The following HSF5 variants were observed in gnomAD, a reference collection of about 807,000 sequenced individuals.
The protein encoded by HSF5 is heat shock factor protein 5.
In HSF5, 5 loss-of-function variants were observed where a neutral mutation model predicts 50.8. The observed-to-expected ratio is 0.10, with a 90% CI of 0.05 to 0.21. The LOEUF is 0.21. Among genes scored for constraint, HSF5 ranks in the 10% least tolerant of loss-of-function variants. HSF5 has a pLI of 1.00. For synonymous variants in HSF5, 307 were observed against 307.4 expected (o/e 1.00, Z 0.02); for missense variants, 564 against 762.6 (o/e 0.74, Z 3.07).
rs775817223 is a variant in HSF5, at chr17:58,458,905, T to G, written c.1583A>C (p.Asn528Thr). The change falls in exon 5 of 6, where the codon AAT (asparagine) becomes ACT (threonine). Residue 528 changes from asparagine to threonine, a missense_variant. This residue lies in a region of HSF5 where 441 missense variants were observed against 533.6 expected (regional missense o/e 0.83). Transcript: ENST00000323777. Reference protein sequence around the residue: ...NIKCQTSSRENILPSEQMGFL... With the variant: ...NIKCQTSSRETILPSEQMGFL... ...TCCCATCTGTTCTGACGGCAAGATATTCTCACGTGAACTGGTCTGGCATTT... is the reference window on the plus strand; with the variant it reads ...TCCCATCTGTTCTGACGGCAAGATAGTCTCACGTGAACTGGTCTGGCATTT... The G allele has an allele frequency of 3.1e-6, 5 of 1,614,026 alleles. No homozygotes were observed. Among genetic ancestry groups the G allele is most frequent in the Non-Finnish European group, 4.2e-6 (5 of 1,179,964 alleles).
intron 5 of HSF5, among the ~76,000 whole-genome samples, chr17:58,458,338 T>C (rs1331166723): frequency 6.6e-6 from 1 of 152,200 alleles, no homozygotes; most frequent in African/African-American, 2.4e-5. Context: ...CTCAGGATAA[T>C]ATCCTAAATT....
intron 5 of HSF5, among the ~76,000 whole-genome samples, chr17:58,458,385 G>A (rs1012440145): frequency 2.6e-5 from 4 of 152,078 alleles, no homozygotes; most frequent in African/African-American, 7.2e-5. Context: ...ATAAATGCAT[G>A]CCCTCTTGTC....
chr17:58,468,348 T>C (rs566568921), intron 2 of HSF5, among the ~76,000 whole-genome samples: 3 of 152,262 alleles, frequency 2.0e-5, no homozygotes, highest in South Asian at 2.1e-4. Flanking sequence ...CAGTGAGCCA[T>C]GATTGTGCCA....
intron 1 of HSF5, among the ~76,000 whole-genome samples, chr17:58,486,721 A>G (rs976068851): frequency 3.9e-5 from 6 of 152,130 alleles, no homozygotes; most frequent in Non-Finnish European, 8.8e-5. Flanking sequence ...GTATATAAAC[A>G]ACGTCTACCA....
rs202122815 is a variant in HSF5, at chr17:58,481,996, T to A, written c.551-1729A>T. On this transcript the variant is annotated intron_variant, in intron 1 of 5. Transcript: ENST00000323777. ...GCCTGGGTGACACAGTGAGACCCTG[T>A]TTCGAAAAGAAATAATAAAGTATTA... Among the ~76,000 whole-genome samples the A allele has an allele frequency of 2.6e-5, 4 of 152,290 alleles. No homozygotes were observed. The East Asian group carries it at 7.7e-4, about 29-fold the overall frequency.
At chr17:58,449,727 T>G (rs1453491380) in intron 5 of HSF5, among the ~76,000 whole-genome samples, 1 of 149,096 alleles carries the variant, frequency 6.7e-6, no homozygotes, top group African/African-American at 2.5e-5. Context: ...TTTTTTTAAT[T>G]TTAAAAAGAT....
chr17:58,428,638 G>A (rs1310198024), intron 5 of HSF5, among the ~76,000 whole-genome samples: 2 of 152,058 alleles, frequency 1.3e-5, no homozygotes, highest in East Asian at 1.9e-4. Flanking sequence ...CAGCCTGGGC[G>A]ACAGAGTGAG....
chr17:58,476,508 C>G, intron 2 of HSF5: 3 of 1,204,286 alleles, frequency 2.5e-6, no homozygotes, highest in Non-Finnish European at 2.5e-6. Context: ...GATCACCACT[C>G]TTATTCAGAT....
intron 5 of HSF5, among the ~76,000 whole-genome samples, chr17:58,451,126 C>T (rs1892011645): frequency 6.6e-6 from 1 of 152,108 alleles, no homozygotes; most frequent in Admixed American, 6.6e-5. Context: ...GGGGTTAATA[C>T]AGCAGGAGGA....
Position 58,420,527 on chromosome 17 carries a change from T to C in HSF5, c.*1833A>G, listed in dbSNP as rs1290241921. On this transcript the variant is annotated 3_prime_UTR_variant, in exon 6 of 6. Transcript: ENST00000323777. ...CTTGACATGTGTTCCTCAAAAGATATTATCTCAACATCTATAAAGCTAAGA... is the reference window on the plus strand; with the variant it reads ...CTTGACATGTGTTCCTCAAAAGATACTATCTCAACATCTATAAAGCTAAGA... 3 of 152,244 alleles carry C rather than the reference T, an allele frequency of 2.0e-5. No individual in the cohort carries two copies. Among genetic ancestry groups the C allele is most frequent in the South Asian group, 2.1e-4 (1 of 4,820 alleles). The allele number at this position is 152,244 out of a possible 1,614,324, so 9.4% of individuals were successfully genotyped here. A position where few individuals can be genotyped will look rare whatever the true frequency, so the allele number is the denominator to read the frequency against.
intron 2 of HSF5, among the ~76,000 whole-genome samples, chr17:58,477,466 T>C (rs1598201581): frequency 6.7e-6 from 1 of 149,094 alleles, no homozygotes; most frequent in South Asian, 2.1e-4. Flanking sequence ...ATTCCCCTTT[T>C]TTTTTTTTTT....
chr17:58,488,347 C>T lies in HSF5; in HGVS notation c.-73G>A. On this transcript the variant is annotated 5_prime_UTR_variant, in exon 1 of 6. Coordinates refer to ENST00000323777, the MANE Select transcript of HSF5 (RefSeq NM_001080439.3). This position sits in a 1 kb window ranked among gnomAD's most constrained non-coding sequence, Gnocchi z 4.1. ...CCGTTCTCGATCCCTCCCCGGCCTT[C>T]GCCTCGCCCTGCCCGCTCCTGCCGG... The T allele has an allele frequency of 7.4e-7, 1 of 1,358,928 alleles. No individual in the cohort carries two copies. Among genetic ancestry groups the T allele is most frequent in the Non-Finnish European group, 9.4e-7 (1 of 1,063,404 alleles). 84.2% of individuals were successfully genotyped at this position (1,358,928 alleles called of 1,614,324 possible).
At chr17:58,479,438 G>C (rs1430774362) in intron 2 of HSF5, among the ~76,000 whole-genome samples, 2 of 152,030 alleles carry the variant, frequency 1.3e-5, no homozygotes, top group African/African-American at 4.8e-5. Context: ...GAGTAGCTGG[G>C]ATTACAGGCG....
chr17:58,443,441 G>C (rs1020416389), intron 5 of HSF5, among the ~76,000 whole-genome samples: 5 of 152,112 alleles, frequency 3.3e-5, no homozygotes, highest in African/African-American at 1.2e-4. Context: ...AAGGAGGCAA[G>C]GATATGTGGA....
At chr17:58,463,350 A>T in intron 3 of HSF5, 47 bp from the exon 4 acceptor site, 1 of 1,452,162 alleles carries the variant, frequency 6.9e-7, no homozygotes, top group Non-Finnish European at 9.5e-7. Context: ...ATAAAATATG[A>T]GATTAAGGAG....
At chr17:58,440,988 A>G (rs1220619673) in intron 5 of HSF5, among the ~76,000 whole-genome samples, 1 of 152,196 alleles carries the variant, frequency 6.6e-6, no homozygotes. Flanking sequence ...AGATGTGAAC[A>G]ACATAATCAA....
At chr17:58,452,226 G>A (rs968044293) in intron 5 of HSF5, among the ~76,000 whole-genome samples, 2 of 151,516 alleles carry the variant, frequency 1.3e-5, no homozygotes, top group African/African-American at 4.9e-5. Flanking sequence ...CTACAGCTTC[G>A]CAACACAGTG....
At chr17:58,464,829 C>T (rs541425650) in intron 3 of HSF5, among the ~76,000 whole-genome samples, 7 of 152,144 alleles carry the variant, frequency 4.6e-5, no homozygotes, top group Admixed American at 4.6e-4. Context: ...AACAGGGTTT[C>T]GCCATGTTGG....
chr17:58,422,147 T>C lies in HSF5; in HGVS notation c.*213A>G, dbSNP rs968865836. 1 of 493,686 alleles carries C rather than the reference T, an allele frequency of 2.0e-6. No homozygotes were observed. The allele number at this position is 493,686 out of a possible 1,614,324, so 30.6% of individuals were successfully genotyped here. A position where few individuals can be genotyped will look rare whatever the true frequency, so the allele number is the denominator to read the frequency against. On this transcript the variant is annotated 3_prime_UTR_variant, in exon 6 of 6. Coordinates refer to ENST00000323777, the MANE Select transcript of HSF5 (RefSeq NM_001080439.3). ...GCAGCCAAAAAACGTGGCTGCTAGA[T>C]GTTCAGTAGTTTGTCAAGGCAGATA...
Sources: gnomAD v4.1 joint callset for allele counts (sites outside exome capture counted in the v4.1 genomes callset) on GRCh38, gnomAD v4.1.1 for gene constraint, gnomAD v4.1.1 regional missense constraint, Gnocchi (gnomAD v3.1) non-coding constraint, MANE v1.5 for transcripts, NCBI Gene and HGNC (gene_info 2026-07-23, HGNC 2026-07-21) for gene names.